Variants in TMEM132D observed in about 807,000 individuals in gnomAD.
TMEM132D encodes the protein mature OL transmembrane protein.
A neutral mutation model predicts 62.3 loss-of-function variants in TMEM132D; 21 were observed. The ratio of observed to expected loss-of-function variants is 0.34; its 90% confidence interval spans 0.24 to 0.49. The LOEUF is 0.49. Among genes scored for constraint, TMEM132D ranks in the 20% least tolerant of loss-of-function variants. The pLI, the probability that TMEM132D is intolerant of heterozygous loss-of-function variation, is 0.99. For synonymous variants in TMEM132D, 621 were observed against 575.6 expected (o/e 1.08, Z -1.13); for missense variants, 1,346 against 1,402.8 (o/e 0.96, Z 0.65).
intron 5 of TMEM132D, among the ~76,000 whole-genome samples, chr12:129,161,650 G>A (rs553779474): frequency 3.9e-5 from 6 of 152,296 alleles, no homozygotes; most frequent in African/African-American, 1.2e-4. Flanking sequence ...GATTAAGTTG[G>A]AGAGTCATTG....
intron 2 of TMEM132D, among the ~76,000 whole-genome samples, chr12:129,599,223 G>T (rs1878425199): frequency 6.6e-6 from 1 of 152,162 alleles, no homozygotes; most frequent in South Asian, 2.1e-4. Flanking sequence ...CCAGTTTTAT[G>T]AACCAATAAA....
At chr12:129,112,937 T>C (rs1160733925) in intron 5 of TMEM132D, 2 of 152,260 alleles carry the variant, frequency 1.3e-5, no homozygotes, top group African/African-American at 4.8e-5. Context: ...CTGTGTGAAG[T>C]GTCCCATAGT....
intron 2 of TMEM132D, among the ~76,000 whole-genome samples, chr12:129,619,231 G>A (rs1239318108): frequency 1.3e-5 from 2 of 152,200 alleles, no homozygotes; most frequent in East Asian, 1.9e-4. Flanking sequence ...GCCAAGAGGA[G>A]AGGTCCATTC....
chr12:129,699,884 G>C lies in TMEM132D; in HGVS notation c.894C>G (p.Thr298=), dbSNP rs184778944. 6 of 1,614,046 alleles carry C rather than the reference G, an allele frequency of 3.7e-6. No individual in the cohort carries two copies. In the Admixed American group the frequency reaches 5.0e-5, roughly 13 times the overall value. The change falls in exon 2 of 9, where the codon ACC becomes ACG. Residue 298 remains threonine (T), a synonymous_variant. Transcript: ENST00000422113. ...NSVAIHYIPK[T]VRKGDVLTFP... ...AAGTCAGCACGTCTCCTTTCCTCAC[G>C]GTCTTTGGTATATAGTGGATGGCCA...
At chr12:129,735,373 T>A (rs1270767869) in intron 1 of TMEM132D, among the ~76,000 whole-genome samples, 1 of 152,210 alleles carries the variant, frequency 6.6e-6, no homozygotes, top group African/African-American at 2.4e-5. Context: ...TATATAATTG[T>A]TGAATAAAGT....
chr12:129,473,624 C>A (rs528768298), intron 3 of TMEM132D, among the ~76,000 whole-genome samples: 2 of 152,126 alleles, frequency 1.3e-5, no homozygotes, highest in African/African-American at 4.8e-5. Flanking sequence ...AGCCACTGCA[C>A]CTGGCCTGGT....
intron 2 of TMEM132D, among the ~76,000 whole-genome samples, chr12:129,594,719 C>G (rs1878286518): frequency 6.6e-6 from 1 of 152,190 alleles, no homozygotes; most frequent in African/African-American, 2.4e-5. Flanking sequence ...TGATGTTTCA[C>G]ATTTGCTATT....
intron 1 of TMEM132D, among the ~76,000 whole-genome samples, chr12:129,861,989 T>C (rs1873915223): frequency 6.6e-6 from 1 of 151,842 alleles, no homozygotes; most frequent in Admixed American, 6.6e-5. Flanking sequence ...TACCTACAAT[T>C]GCATCCACAA....
At chr12:129,252,812 C>G (rs1228787934) in intron 4 of TMEM132D, among the ~76,000 whole-genome samples, 1 of 151,972 alleles carries the variant, frequency 6.6e-6, no homozygotes, top group Admixed American at 6.5e-5. Flanking sequence ...CAACGATAGA[C>G]TGGATTAAGA....
intron 3 of TMEM132D, among the ~76,000 whole-genome samples, chr12:129,457,355 C>G (rs1378381134): frequency 2.7e-5 from 4 of 147,696 alleles, no homozygotes; most frequent in African/African-American, 7.5e-5. Flanking sequence ...AAACCAAACA[C>G]CGCATGTTCT....
rs188845443 is a variant in TMEM132D at position 129,853,038 on chromosome 12, T to C, written c.79+50223A>G. Reference sequence around the variant, plus strand: ...GTGTAACATGACGGAAGACTGATGGTTGCAAACATCCTCCACTCTAAACAT... The same window carrying C: ...GTGTAACATGACGGAAGACTGATGGCTGCAAACATCCTCCACTCTAAACAT... On this transcript the variant is annotated intron_variant, in intron 1 of 8. Transcript: ENST00000422113. 10 of 152,302 alleles carry C rather than the reference T, an allele frequency of 6.6e-5. No homozygotes were observed. In the East Asian group the frequency reaches 1.4e-3, roughly 21 times the overall value. The allele number at this position is 152,302 out of a possible 1,614,324, so 9.4% of individuals were successfully genotyped here.
intron 1 of TMEM132D, chr12:129,853,053 A>G (rs970577893): frequency 2.0e-5 from 3 of 152,068 alleles, no homozygotes; most frequent in Non-Finnish European, 4.4e-5. Flanking sequence ...AACATCCTCC[A>G]CTCTAAACAT....
intron 1 of TMEM132D, among the ~76,000 whole-genome samples, chr12:129,792,914 A>T (rs1379742201): frequency 1.3e-5 from 2 of 152,152 alleles, no homozygotes; most frequent in Non-Finnish European, 2.9e-5. Context: ...GCCACCCATA[A>T]TCCTACTACC....
chr12:129,378,621 C>T (rs1183770066), intron 3 of TMEM132D, among the ~76,000 whole-genome samples: 2 of 152,202 alleles, frequency 1.3e-5, no homozygotes, highest in African/African-American at 4.8e-5. Flanking sequence ...TGCCCTGAAG[C>T]ACATATGGTC....
At chr12:129,418,491 A>G (rs187574841) in intron 3 of TMEM132D, among the ~76,000 whole-genome samples, 2 of 152,282 alleles carry the variant, frequency 1.3e-5, no homozygotes, top group Non-Finnish European at 2.9e-5. Context: ...GTTCTCACTC[A>G]TAAGCGGGAG....
chr12:129,870,938 C>G lies in TMEM132D; in HGVS notation c.79+32323G>C, dbSNP rs116858568. Among the ~76,000 whole-genome samples, 611 of 152,130 alleles carry G rather than the reference C, an allele frequency of 4.0e-3. 3 individuals carry two copies. The highest frequency in any genetic ancestry group is 0.01 in the Middle Eastern group (3 of 294). On this transcript the variant is annotated intron_variant, in intron 1 of 8. Coordinates refer to ENST00000422113, the MANE Select transcript of TMEM132D (RefSeq NM_133448.3). ...GGTCAGTGTCAGAATTGCATTGAAT[C>G]GCAGGACACACCATTGGTATCAGAG...
chr12:129,197,414 T>C (rs1473229230), intron 5 of TMEM132D, among the ~76,000 whole-genome samples: 1 of 152,162 alleles, frequency 6.6e-6, no homozygotes, highest in African/African-American at 2.4e-5. Flanking sequence ...TGTGTCTCAA[T>C]TCCCTCACCC....
intron 5 of TMEM132D, among the ~76,000 whole-genome samples, chr12:129,095,346 GTT>G (rs34044401): frequency 7.6e-5 from 8 of 105,350 alleles, no homozygotes; most frequent in African/African-American, 3.0e-4. Flanking sequence ...ATGCCTGCTG[GTT>G]TTTTTTTTTT....
chr12:129,296,183 G>T lies in TMEM132D; in HGVS notation c.1299+41451C>A, dbSNP rs191667779. Among the ~76,000 whole-genome samples the T allele has an allele frequency of 1.8e-3, 278 of 152,200 alleles. 2 individuals carry two copies. Among genetic ancestry groups the T allele is most frequent in the African/African-American group, 6.5e-3 (268 of 41,508 alleles). ...CTGGAAAACCCTGACTCAGGCAACT[G>T]TAAATATAAGTAAACATTCCACTAT... On this transcript the variant is annotated intron_variant, in intron 4 of 8. Coordinates refer to ENST00000422113, the MANE Select transcript of TMEM132D (RefSeq NM_133448.3).
Sources: gnomAD v4.1 joint callset for allele counts (sites outside exome capture counted in the v4.1 genomes callset) on GRCh38, gnomAD v4.1.1 for gene constraint, MANE v1.5 for transcripts, NCBI Gene and HGNC (gene_info 2026-07-23, HGNC 2026-07-21) for gene names.